The following BRK1 variants were observed in gnomAD, a reference collection of about 807,000 sequenced individuals.
The protein encoded by BRK1 is protein BRICK1.
In BRK1, 6 loss-of-function variants were observed where a neutral mutation model predicts 9.9. That is an observed-to-expected ratio of 0.60 (90% CI 0.33 to 1.19). The LOEUF (loss-of-function observed/expected upper bound fraction) is 1.19. Among genes scored for constraint, BRK1 ranks in the 50% most tolerant of loss-of-function variants. The pLI, the probability that BRK1 is intolerant of heterozygous loss-of-function variation, is 0.04. For missense variants in BRK1, 62 were observed against 97.5 expected (o/e 0.64, Z 1.53); for synonymous variants, 44 against 31.9 (o/e 1.38, Z -1.28).
At chr3:10,117,390 ATTC>A (rs1695698772) in intron 1 of BRK1, among the ~76,000 whole-genome samples, 1 of 140,406 alleles carries the variant, frequency 7.1e-6, no homozygotes, top group East Asian at 2.0e-4. Flanking sequence ...TTTTCAACAA[ATTC>A]TTTTTTTTTT....
At chr3:10,120,277 C>G (rs1695740212) in intron 1 of BRK1, among the ~76,000 whole-genome samples, 1 of 152,064 alleles carries the variant, frequency 6.6e-6, no homozygotes, top group South Asian at 2.1e-4. Flanking sequence ...TCACTGCAAC[C>G]TCTGCCTCTT....
At chr3:10,117,915 G>A (rs1695708015) in intron 1 of BRK1, among the ~76,000 whole-genome samples, 1 of 152,118 alleles carries the variant, frequency 6.6e-6, no homozygotes, top group African/African-American at 2.4e-5. Context: ...TTATAATGCA[G>A]GATTAACAGT....
chr3:10,117,472 C>T (rs2125116873), intron 1 of BRK1, among the ~76,000 whole-genome samples: 1 of 148,874 alleles, frequency 6.7e-6, no homozygotes, highest in African/African-American at 2.5e-5. Flanking sequence ...CAGCTCACTG[C>T]AACCTCTTCC....
chr3:10,116,972 A>G (rs1349370276), intron 1 of BRK1, among the ~76,000 whole-genome samples: 1 of 152,172 alleles, frequency 6.6e-6, no homozygotes, highest in African/African-American at 2.4e-5. Flanking sequence ...GCTGAGTTCA[A>G]TGGCTTATGT....
At chr3:10,123,491 A>G (rs1695786875) in intron 1 of BRK1, among the ~76,000 whole-genome samples, 1 of 145,890 alleles carries the variant, frequency 6.9e-6, no homozygotes, top group Admixed American at 7.0e-5. Context: ...GCTGGAGTGC[A>G]GTGGTGCAAT....
chr3:10,125,784 AAC>A, intron 2 of BRK1, 76 bp downstream of exon 2: 2 of 1,132,248 alleles, frequency 1.8e-6, no homozygotes, highest in Admixed American at 2.1e-5. Context: ...TGAAAGCAGA[AAC>A]AGTCTTAGGA....
intron 1 of BRK1, among the ~76,000 whole-genome samples, chr3:10,119,955 A>G (rs918839697): frequency 9.9e-5 from 15 of 152,154 alleles, no homozygotes; most frequent in African/African-American, 3.6e-4. Flanking sequence ...AATGGGTATG[A>G]TACCCACTCC....
intron 1 of BRK1, among the ~76,000 whole-genome samples, chr3:10,123,627 G>A: frequency 7.0e-6 from 1 of 143,544 alleles, no homozygotes; most frequent in Non-Finnish European, 1.5e-5. Flanking sequence ...ATAGAGACGG[G>A]GTTTCATTGT....
rs111560858 is a variant in BRK1 at position 10,125,161 on chromosome 3, G to A, written c.119-465G>A. On this transcript the variant is annotated intron_variant, in intron 1 of 2. Transcript: ENST00000530758. ...TGTTTGACCCAGGCTGGAGTGAAGT[G>A]GCGAGATCTTGGCTCACTGCAACCT... 0.16 allele frequency among the ~76,000 whole-genome samples: 24,868 copies of A among 152,044 alleles called. 2,580 individuals carry two copies. The highest frequency in any genetic ancestry group is 0.29 in the African/African-American group (12,069 of 41,414).
At position 10,127,175 on chromosome 3, in the gene BRK1, ACAG is replaced by A. The variant is rs1241393195; in HGVS notation, c.*883_*885del. The A allele has an allele frequency of 6.6e-6, 1 of 152,260 alleles. No homozygotes were observed. Among genetic ancestry groups the A allele is most frequent in the African/African-American group, 2.4e-5 (1 of 41,474 alleles). 9.4% of individuals were successfully genotyped at this position (152,260 alleles called of 1,614,324 possible). On this transcript the variant is annotated 3_prime_UTR_variant, in exon 3 of 3. Coordinates refer to ENST00000530758, the MANE Select transcript of BRK1 (RefSeq NM_018462.5). ...GGCATGTTAAACTCCAATAAAACAT[ACAG>A]CATTGAATCAGACATGATGCTTACA...
At chr3:10,117,824 T>C (rs187450136) in intron 1 of BRK1, among the ~76,000 whole-genome samples, 20 of 152,144 alleles carry the variant, frequency 1.3e-4, no homozygotes, top group Admixed American at 3.9e-4. Context: ...ATGTTTGGAG[T>C]AATTACTAGG....
chr3:10,126,503 G>A lies in BRK1; in HGVS notation c.*208G>A, dbSNP rs1042905678. 1 of 473,794 alleles carries A rather than the reference G, an allele frequency of 2.1e-6. No individual in the cohort carries two copies. Among genetic ancestry groups the A allele is most frequent in the Non-Finnish European group, 3.8e-6 (1 of 266,538 alleles). 29.3% of individuals were successfully genotyped at this position (473,794 alleles called of 1,614,324 possible). On this transcript the variant is annotated 3_prime_UTR_variant, in exon 3 of 3. Transcript: ENST00000530758. ...GAAGTTCAGAGGAACCGTTGGAAAC[G>A]ACGTTAGGCATTTTACCTTTTCAGT...
In BRK1 at chr3:10,127,101, T is replaced by C. The variant is rs6442154; in HGVS notation, c.*806T>C. On this transcript the variant is annotated 3_prime_UTR_variant, in exon 3 of 3. Transcript: ENST00000530758. ...TGGACTTTCAGCTGACTAGCTCATC[T>C]TGGGAATCATTTGGTCATTCAGCAC... 0.16 allele frequency: 24,896 copies of C among 152,352 alleles called. 2,577 individuals carry two copies. The highest frequency in any genetic ancestry group is 0.29 in the African/African-American group (12,085 of 41,518). The allele number at this position is 152,352 out of a possible 1,614,324, so 9.4% of individuals were successfully genotyped here.
Position 10,115,752 on chromosome 3 carries a change from T to C in BRK1, c.51T>C (p.Ala17=). 6.2e-7 allele frequency: 1 copy of C among 1,613,950 alleles called. No homozygotes were observed. Among genetic ancestry groups the C allele is most frequent in the Non-Finnish European group, 8.5e-7 (1 of 1,179,858 alleles). Reference sequence around the variant, plus strand: ...AGCGGGAGATTCACCAGGACTGGGCTAACCGGGAGTACATTGAGATAATCA... The same window carrying C: ...AGCGGGAGATTCACCAGGACTGGGCCAACCGGGAGTACATTGAGATAATCA... ...PVQREIHQDW[A]NREYIEIITS... is the part of the protein sequence containing the mutation. Residue 17 remains alanine (A), a synonymous_variant, in exon 1 of 3, where the codon GCT becomes GCC. Transcript: ENST00000530758.
In BRK1 at chr3:10,126,258, T is replaced by G. The variant is rs1695839363; in HGVS notation, c.202-11T>G. 6.6e-7 allele frequency: 1 copy of G among 1,523,694 alleles called. No homozygotes were observed. Among genetic ancestry groups the G allele is most frequent in the South Asian group, 1.3e-5 (1 of 77,922 alleles). The allele number at this position is 1,523,694 out of a possible 1,614,324, so 94.4% of individuals were successfully genotyped here. A position where few individuals can be genotyped will look rare whatever the true frequency, so the allele number is the denominator to read the frequency against. ...ATTTATCTAAATGTCAGTTTTCCTT[T>G]CCTTTCACAGGTGACAAAAGGTGAG... On this transcript the variant is annotated splice_polypyrimidine_tract_variant and intron_variant, in intron 2 of 2. Coordinates refer to ENST00000530758, the MANE Select transcript of BRK1 (RefSeq NM_018462.5).
intron 1 of BRK1, 73 bp downstream of exon 1, chr3:10,115,892 TG>T: frequency 8.2e-7 from 1 of 1,219,696 alleles, no homozygotes; most frequent in South Asian, 1.2e-5. Context: ...GCCGGGGAGA[TG>T]CTTTGAGAGG....
At chr3:10,124,634 G>A (rs1695812080) in intron 1 of BRK1, among the ~76,000 whole-genome samples, 1 of 152,158 alleles carries the variant, frequency 6.6e-6, no homozygotes, top group Middle Eastern at 3.2e-3. Flanking sequence ...TTACAGGCAT[G>A]AGTCACTGCT....
At chr3:10,125,983 C>T (rs529993022) in intron 2 of BRK1, among the ~76,000 whole-genome samples, 114 of 152,122 alleles carry the variant, frequency 7.5e-4, no homozygotes, top group African/African-American at 2.4e-3. Flanking sequence ...CCCAGCTACT[C>T]GGGAGGCTGA....
intron 1 of BRK1, among the ~76,000 whole-genome samples, chr3:10,116,732 A>T (rs911399685): frequency 1.3e-5 from 2 of 152,218 alleles, no homozygotes; most frequent in African/African-American, 4.8e-5. Context: ...TGGCCTTAGG[A>T]GTACAAAGGT....
Sources: allele counts gnomAD v4.1 joint callset (sites outside exome capture counted in the v4.1 genomes callset), GRCh38; gene constraint gnomAD v4.1.1; transcripts MANE v1.5; gene names NCBI Gene and HGNC (gene_info 2026-07-23, HGNC 2026-07-21).